Variants in CCT3 observed in about 807,000 individuals in gnomAD.
CCT3 encodes T-complex protein 1 subunit gamma.
CCT3 carries 10 observed loss-of-function variants against 65.3 expected under a neutral mutation model. The ratio of observed to expected loss-of-function variants is 0.15; its 90% CI spans 0.09 to 0.26. CCT3 has a LOEUF of 0.26. Among genes scored for constraint, CCT3 ranks in the 10% least tolerant of loss-of-function variants. The pLI, the probability that CCT3 is intolerant of heterozygous loss-of-function variation, is 1.00. For synonymous variants in CCT3, 225 were observed against 242.3 expected, an observed-to-expected ratio of 0.93 and a Z score of 0.66; for missense variants, 626 against 708.7, an observed-to-expected ratio of 0.88 and a Z score of 1.33.
At chr1:156,318,224 A>ATTT (rs58622068) in intron 8 of CCT3, among the ~76,000 whole-genome samples, 27,655 of 130,342 alleles carry the variant, frequency 0.21, 3,551 homozygotes, top group Non-Finnish European at 0.28. Flanking sequence ...GCCCTCTAGA[A>ATTT]TTTTTTTTTT....
intron 5 of CCT3, among the ~76,000 whole-genome samples, chr1:156,328,618 C>G (rs935377885): frequency 6.6e-6 from 1 of 151,588 alleles, no homozygotes; most frequent in Non-Finnish European, 1.5e-5. Context: ...GGATTAAGGG[C>G]GGTGCAAGAT....
chr1:156,335,022 GTTTTATTTTATTTTAA>G (rs946440609), intron 2 of CCT3, 104 bp from the exon 3 acceptor site: 3 of 894,278 alleles, frequency 3.4e-6, no homozygotes, highest in African/African-American at 3.4e-5. Context: ...CAGAGTCAGT[GTTTTATTTTATTTTAA>G]TTTTATTTTA....
chr1:156,320,061 T>G (rs531113502), intron 7 of CCT3, among the ~76,000 whole-genome samples: 3 of 152,152 alleles, frequency 2.0e-5, no homozygotes, highest in Non-Finnish European at 4.4e-5. Context: ...TAGCCTCTTA[T>G]AGGTTTTTGT....
intron 6 of CCT3, among the ~76,000 whole-genome samples, chr1:156,324,361 C>A (rs993742730): frequency 1.3e-5 from 2 of 152,168 alleles, no homozygotes; most frequent in Non-Finnish European, 2.9e-5. Context: ...CCGAGCCCTG[C>A]CAGGTTTTAC....
chr1:156,327,923 G>A (rs1483347618), intron 5 of CCT3, among the ~76,000 whole-genome samples: 1 of 90,438 alleles, frequency 1.1e-5, no homozygotes, highest in South Asian at 3.4e-4. Flanking sequence ...TGTGAGGAGC[G>A]CCTCTGCCCA....
chr1:156,336,547 C>T (rs938542589), intron 1 of CCT3, among the ~76,000 whole-genome samples: 12 of 152,150 alleles, frequency 7.9e-5, no homozygotes, highest in Admixed American at 5.9e-4. Flanking sequence ...AAGAAGGCCT[C>T]AGTAACCCAT....
At position 156,334,880 on chromosome 1, in the gene CCT3, C is replaced by T. The variant is rs766236859; in HGVS notation, c.132G>A (p.Lys44=). ...ADIIRTCLGP[K]SMMKMLLDPM... ...GAGATAAGCCTACCTTCATCATGGA[C>T]TTGGGTCCCAAACATGTTCGGATGA... The change falls in exon 3 of 14, where the codon AAG becomes AAA. Residue 44 remains lysine (K), a synonymous_variant. Transcript: ENST00000295688. The T allele has an allele frequency of 6.2e-7, 1 of 1,614,088 alleles. No individual in the cohort carries two copies.
Position 156,338,248 on chromosome 1 carries a change from A to G in CCT3, c.-64T>C. ...AACCGGCAGAACCTTCTGGAGAGAGAGAACCAGACAGAAGCCCAGAAAACG... is the reference window on the plus strand; with the variant it reads ...AACCGGCAGAACCTTCTGGAGAGAGGGAACCAGACAGAAGCCCAGAAAACG... On this transcript the variant is annotated 5_prime_UTR_variant, in exon 1 of 14. Coordinates refer to ENST00000295688, the MANE Select transcript of CCT3 (RefSeq NM_005998.5). The G allele has an allele frequency of 4.6e-6, 7 of 1,521,688 alleles. No individual in the cohort carries two copies. Among genetic ancestry groups the G allele is most frequent in the Non-Finnish European group, 6.3e-6 (7 of 1,117,716 alleles). 94.3% of individuals were successfully genotyped at this position (1,521,688 alleles called of 1,614,324 possible). A position where few individuals can be genotyped will look rare whatever the true frequency, so the allele number is the denominator to read the frequency against.
At chr1:156,332,561 G>A (rs1038927777) in intron 5 of CCT3, 2 of 152,246 alleles carry the variant, frequency 1.3e-5, no homozygotes, top group African/African-American at 4.8e-5. Flanking sequence ...TTCACAGAAT[G>A]GCAAAAAATT....
At chr1:156,327,857 G>A (rs528187410) in intron 5 of CCT3, among the ~76,000 whole-genome samples, 69 of 149,896 alleles carry the variant, frequency 4.6e-4, no homozygotes, top group African/African-American at 1.6e-3. Flanking sequence ...GTCTCTGCCC[G>A]GCCGCCCATC....
chr1:156,323,486 A>T (rs568430936), intron 6 of CCT3, among the ~76,000 whole-genome samples: 1 of 152,110 alleles, frequency 6.6e-6, no homozygotes, highest in South Asian at 2.1e-4. Flanking sequence ...TATTTTTGAG[A>T]TGGAGTCTCG....
At chr1:156,313,905 T>C (rs1022021467) in intron 10 of CCT3, among the ~76,000 whole-genome samples, 2 of 152,020 alleles carry the variant, frequency 1.3e-5, no homozygotes, top group East Asian at 1.9e-4. Context: ...CTGGCCAACA[T>C]GGTGAAAACC....
Position 156,317,232 on chromosome 1 carries a change from T to C in CCT3, c.908A>G (p.Tyr303Cys), listed in dbSNP as rs747140464. The C allele has an allele frequency of 1.2e-6, 2 of 1,614,142 alleles. No individual in the cohort carries two copies. The highest frequency in any genetic ancestry group is 1.7e-6 in the Non-Finnish European group (2 of 1,180,014). ...GGCTGTGATATTGGCCCGCATAAGG[T>C]AGTGCTGAGCTAAATCTACAAATCC... Reference protein sequence around the residue: ...EKGISDLAQHYLMRANITAIR... With the variant: ...EKGISDLAQHCLMRANITAIR... The change falls in exon 10 of 14, where the codon TAC (tyrosine) becomes TGC (cysteine). Residue 303 changes from tyrosine (Y) to cysteine (C), a missense_variant. By Grantham distance (194) the Tyr-to-Cys change is radical (BLOSUM62 -2). Coordinates refer to ENST00000295688, the MANE Select transcript of CCT3 (RefSeq NM_005998.5).
At chr1:156,310,742 G>T in intron 12 of CCT3, 53 bp from the exon 13 acceptor site, 1 of 1,598,228 alleles carries the variant, frequency 6.3e-7, no homozygotes. Flanking sequence ...GAAACATCAG[G>T]TAAGAAATGA....
rs138435772 is a variant in CCT3, at chr1:156,310,615, T to G, written c.1476A>C (p.Glu492Asp). The change falls in exon 13 of 14, where the codon GAA (glutamate) becomes GAC (aspartate). Residue 492 changes from glutamate to aspartate, a missense_variant. Coordinates refer to ENST00000295688, the MANE Select transcript of CCT3 (RefSeq NM_005998.5). ...GETGTLVDMK[E>D]LGIWEPLAVK... ...CAGCCAATGGCTCCCATATGCCCAG[T>G]TCCTTCATGTCCACCAAAGTACCCG... The G allele has an allele frequency of 1.1e-5, 18 of 1,613,938 alleles. No homozygotes were observed. Among genetic ancestry groups the G allele is most frequent in the Middle Eastern group, 1.6e-4 (1 of 6,084 alleles).
Position 156,312,144 on chromosome 1 carries a change from T to G in CCT3, c.1052A>C (p.Glu351Ala). ...DDVGTGAGLL[E>A]IKKIGDEYFT... ...GTATTCATCTCCAATTTTCTTGATT[T>G]CCAACAGGCCTGCTCCTGTTCCAAC... Residue 351 changes from glutamate (E) to alanine (A), a missense_variant, in exon 11 of 14, where the codon GAA (glutamate) becomes GCA (alanine). By Grantham distance (107) the Glu-to-Ala change is moderately radical. Coordinates refer to ENST00000295688, the MANE Select transcript of CCT3 (RefSeq NM_005998.5). 1.2e-6 allele frequency: 2 copies of G among 1,614,136 alleles called. No homozygotes were observed. Among genetic ancestry groups the G allele is most frequent in the South Asian group, 2.2e-5 (2 of 91,076 alleles).
chr1:156,310,039 A>C (rs1410442866), intron 13 of CCT3, among the ~76,000 whole-genome samples: 4 of 3,474 alleles, frequency 1.2e-3, no homozygotes, highest in Non-Finnish European at 3.2e-3. Flanking sequence ...GTCTGTTTCA[A>C]AAAAAAAAAA....
intron 10 of CCT3, among the ~76,000 whole-genome samples, chr1:156,315,588 A>G (rs1233674085): frequency 2.0e-5 from 3 of 152,242 alleles, no homozygotes; most frequent in Non-Finnish European, 4.4e-5. Flanking sequence ...GATATACAAA[A>G]TATGTGATAG....
chr1:156,334,710 C>T lies in CCT3; in HGVS notation c.207+3G>A. ...AAAAAACAAAACCAAAAACAAAACA[C>T]ACCTCTCGAAGAATGGCATTGCCAT... On this transcript the variant is annotated splice_donor_region_variant and intron_variant, in intron 4 of 13. Transcript: ENST00000295688. 1.2e-6 allele frequency: 2 copies of T among 1,613,624 alleles called. No individual in the cohort carries two copies.
Sources: allele counts gnomAD v4.1 joint callset (sites outside exome capture counted in the v4.1 genomes callset), GRCh38; gene constraint gnomAD v4.1.1; transcripts MANE v1.5; gene names NCBI Gene and HGNC (gene_info 2026-07-23, HGNC 2026-07-21).